Variants in LRRK1 observed in about 807,000 individuals in gnomAD.
LRRK1 encodes leucine-rich repeat serine/threonine-protein kinase 1.
LRRK1 carries 113 observed loss-of-function variants against 209.1 expected under a neutral mutation model. The ratio of observed to expected loss-of-function variants is 0.54; its 90% CI spans 0.46 to 0.63. The LOEUF (loss-of-function observed/expected upper bound fraction) is 0.63. Among genes scored for constraint, LRRK1 ranks in the 30% least tolerant of loss-of-function variants. The pLI, the probability that LRRK1 is intolerant of heterozygous loss-of-function variation, is 0.00. For synonymous variants in LRRK1, 1,144 were observed against 1,099.7 expected, an observed-to-expected ratio of 1.04 and a Z score of -0.80; for missense variants, 2,284 against 2,632.2, an observed-to-expected ratio of 0.87 and a Z score of 2.89.
chr15:101,060,206 GAATT>G (rs1172027957), intron 29 of LRRK1, among the ~76,000 whole-genome samples: 1 of 152,170 alleles, frequency 6.6e-6, no homozygotes, highest in African/African-American at 2.4e-5. Context: ...ATCTGTCTGA[GAATT>G]AAGGAAGGAA....
At chr15:101,068,445 G>A (rs895261161) in intron 33 of LRRK1, among the ~76,000 whole-genome samples, 2 of 152,146 alleles carry the variant, frequency 1.3e-5, no homozygotes, top group African/African-American at 2.4e-5. Flanking sequence ...CCATGGACGC[G>A]AACTCATGCC....
At chr15:101,063,547 G>C (rs1317980656) in intron 31 of LRRK1, among the ~76,000 whole-genome samples, 3 of 152,316 alleles carry the variant, frequency 2.0e-5, no homozygotes, top group Non-Finnish European at 4.4e-5. Flanking sequence ...GCCAGCTCTG[G>C]TTTCATCCAC....
chr15:100,950,551 C>T (rs999836204), intron 2 of LRRK1, among the ~76,000 whole-genome samples: 1 of 152,066 alleles, frequency 6.6e-6, no homozygotes, highest in Admixed American at 6.5e-5. Context: ...TAAAAGAAAA[C>T]AGGATTAAAT....
chr15:101,028,141 C>T (rs955377766), intron 19 of LRRK1, among the ~76,000 whole-genome samples: 1 of 152,160 alleles, frequency 6.6e-6, no homozygotes, highest in Non-Finnish European at 1.5e-5. Context: ...GTAAAGTCAC[C>T]GCGATCACTG....
intron 12 of LRRK1, among the ~76,000 whole-genome samples, chr15:101,018,977 C>T (rs1297068717): frequency 1.3e-5 from 2 of 152,172 alleles, no homozygotes; most frequent in African/African-American, 4.8e-5. Context: ...TCCAAATAGT[C>T]ATATTTGTGC....
chr15:100,984,496 C>T lies in LRRK1; in HGVS notation c.433+797C>T, dbSNP rs12148489. Among the ~76,000 whole-genome samples the T allele has an allele frequency of 1.2e-3, 181 of 149,044 alleles. 1 individual carries two copies. The highest frequency in any genetic ancestry group is 3.4e-3 in the Middle Eastern group (1 of 292). The stretch of plus-strand genomic sequence containing the variant: ...CCTGGCCCCATCCCTCCCTCCCTCC[C>T]TCCCTCCCCTGGCCCCTGGCAACTA... On this transcript the variant is annotated intron_variant, in intron 4 of 33. Coordinates refer to ENST00000388948, the MANE Select transcript of LRRK1 (RefSeq NM_024652.6).
At chr15:101,006,087 T>C (rs1390230927) in intron 6 of LRRK1, among the ~76,000 whole-genome samples, 1 of 152,148 alleles carries the variant, frequency 6.6e-6, no homozygotes, top group Non-Finnish European at 1.5e-5. Context: ...TGTTAACCTT[T>C]ACAAAGGAGG....
intron 12 of LRRK1, among the ~76,000 whole-genome samples, chr15:101,017,715 A>G (rs1239639556): frequency 2.0e-5 from 3 of 152,168 alleles, no homozygotes; most frequent in Non-Finnish European, 4.4e-5. Context: ...GCTGCAGTCC[A>G]TGGAAAAATT....
At chr15:100,943,722 G>A (rs2042487120) in intron 2 of LRRK1, among the ~76,000 whole-genome samples, 1 of 149,266 alleles carries the variant, frequency 6.7e-6, no homozygotes, top group Non-Finnish European at 1.5e-5. Flanking sequence ...TTGTCACTCA[G>A]GCAGGAGTGC....
At chr15:100,962,430 T>C (rs1335140752) in intron 2 of LRRK1, among the ~76,000 whole-genome samples, 1 of 152,076 alleles carries the variant, frequency 6.6e-6, no homozygotes, top group Non-Finnish European at 1.5e-5. Context: ...CTCGGGAGAC[T>C]GAAGCATAAT....
At position 101,074,018 on chromosome 15, in the gene LRRK1, G is replaced by A. The variant is rs537833645; in HGVS notation, c.*5170G>A. The A allele has an allele frequency of 1.9e-4, 29 of 152,156 alleles. No individual in the cohort carries two copies. The East Asian group carries it at 3.5e-3, about 18-fold the overall frequency. The allele number at this position is 152,156 out of a possible 1,614,324, so 9.4% of individuals were successfully genotyped here. ...ATCTAAATAATTCTTGTCGTAAAAT[G>A]GGCAAATGGTCTGAGGTGCCTGACG... On this transcript the variant is annotated 3_prime_UTR_variant, in exon 34 of 34. Coordinates refer to ENST00000388948, the MANE Select transcript of LRRK1 (RefSeq NM_024652.6).
chr15:101,005,639 G>C (rs1274680426), intron 6 of LRRK1, among the ~76,000 whole-genome samples: 1 of 152,246 alleles, frequency 6.6e-6, no homozygotes, highest in East Asian at 1.9e-4. Context: ...CCTGGGCTTA[G>C]AAAGTACAAG....
rs2959202 is a variant in LRRK1 at position 101,076,013 on chromosome 15, C to A, written c.*7165C>A. Reference sequence around the variant, plus strand: ...AGACACACGTGCTCTCCCTGCCGATCATGTCCGATTAATCTCCCAAACCCC... The same window carrying A: ...AGACACACGTGCTCTCCCTGCCGATAATGTCCGATTAATCTCCCAAACCCC... On this transcript the variant is annotated 3_prime_UTR_variant, in exon 34 of 34. Coordinates refer to ENST00000388948, the MANE Select transcript of LRRK1 (RefSeq NM_024652.6). 0.51 allele frequency: 73,189 copies of A among 142,896 alleles called. 19,240 individuals are homozygous for A. Among genetic ancestry groups the A allele is most frequent in the Non-Finnish European group, 0.63 (41,013 of 64,712 alleles). The allele number at this position is 142,896 out of a possible 1,614,324, so 8.9% of individuals were successfully genotyped here. A position where few individuals can be genotyped will look rare whatever the true frequency, so the allele number is the denominator to read the frequency against.
intron 2 of LRRK1, among the ~76,000 whole-genome samples, chr15:100,934,802 CAAAA>C (rs56258040): frequency 1.3e-4 from 7 of 53,440 alleles, no homozygotes; most frequent in Admixed American, 4.6e-4. Flanking sequence ...GAAACTGTCT[CAAAA>C]AAAAAAAAAA....
rs1292728880 is a variant in LRRK1, at chr15:100,961,997, G to C, written c.98-11807G>C. ...ACCTGTGCCAATTTTTGTTCCATGA[G>C]ACTTCCTTGCTCTCCATCCTTTTTT... On this transcript the variant is annotated intron_variant, in intron 2 of 33. Coordinates refer to ENST00000388948, the MANE Select transcript of LRRK1 (RefSeq NM_024652.6). Among the ~76,000 whole-genome samples, 3 of 152,170 alleles carry C rather than the reference G, an allele frequency of 2.0e-5. No homozygotes were observed. The East Asian group carries it at 5.8e-4, about 29-fold the overall frequency.
intron 22 of LRRK1, 58 bp from the exon 23 acceptor site, chr15:101,049,586 A>G: frequency 6.3e-7 from 1 of 1,581,744 alleles, no homozygotes; most frequent in Non-Finnish European, 8.6e-7. Context: ...TAGGGATATC[A>G]TCCCAGGGTC....
chr15:101,059,533 T>C lies in LRRK1; in HGVS notation c.4679+1392T>C, dbSNP rs187768258. Among the ~76,000 whole-genome samples the C allele has an allele frequency of 2.0e-3, 290 of 146,678 alleles. 1 individual carries two copies. Among genetic ancestry groups the C allele is most frequent in the African/African-American group, 6.6e-3 (271 of 41,128 alleles). On this transcript the variant is annotated intron_variant, in intron 29 of 33. Transcript: ENST00000388948. The stretch of plus-strand genomic sequence containing the variant: ...AATTATATTGTTGGCAGCACTGTTA[T>C]GATTGTTACTCTAAGATGCTGCTTG...
chr15:101,065,824 C>A lies in LRRK1; in HGVS notation c.5387C>A (p.Pro1796His), dbSNP rs34876840. ...MFPVRPLDTE[P>H]PAASHTANPK... is the part of the protein sequence containing the mutation. The stretch of plus-strand genomic sequence containing the variant: ...CCCGTGCGGCCCTTGGACACGGAAC[C>A]CCCGGCAGCCAGCCACACGGCCAAC... Residue 1796 changes from proline to histidine, a missense_variant, in exon 32 of 34, where the codon CCC (proline) becomes CAC (histidine). Around this residue, in one of 6 missense-constraint regions of LRRK1, gnomAD observed 643 missense variants for 695.9 expected, o/e 0.92. Coordinates refer to ENST00000388948, the MANE Select transcript of LRRK1 (RefSeq NM_024652.6). The A allele has an allele frequency of 7.1e-3, 11,495 of 1,614,096 alleles. 59 individuals are homozygous for A. The highest frequency in any genetic ancestry group is 8.6e-3 in the Non-Finnish European group (10,109 of 1,180,008).
At chr15:101,057,153 C>A in intron 28 of LRRK1, 103 bp downstream of exon 28, 1 of 921,382 alleles carries the variant, frequency 1.1e-6, no homozygotes, top group East Asian at 2.8e-5. Context: ...TCACCATTGG[C>A]AACCCTTCTC....
Sources: allele counts gnomAD v4.1 joint callset (sites outside exome capture counted in the v4.1 genomes callset), GRCh38; gene constraint gnomAD v4.1.1; regional missense constraint gnomAD v4.1.1; transcripts MANE v1.5; gene names NCBI Gene and HGNC (gene_info 2026-07-23, HGNC 2026-07-21).